ALMS1: variants seen among roughly 807,000 people sequenced by gnomAD.
ALMS1 encodes centrosome-associated protein ALMS1.
Under a neutral mutation model 352.2 loss-of-function variants are expected in ALMS1, and 271 were observed. The ratio of observed to expected loss-of-function variants is 0.77; its 90% CI spans 0.70 to 0.85. ALMS1 has a LOEUF of 0.85. Ranked by LOEUF, ALMS1 falls within the 40% of genes least tolerant of loss-of-function variation. The pLI is 0.00. For missense variants in ALMS1, 5,445 were observed against 4,870.7 expected (o/e 1.12, Z -3.51); for synonymous variants, 1,865 against 1,761.2 (o/e 1.06, Z -1.48).
At chr2:73,465,451 C>T (rs1672313707) in intron 9 of ALMS1, among the ~76,000 whole-genome samples, 1 of 152,194 alleles carries the variant, frequency 6.6e-6, no homozygotes, top group African/African-American at 2.4e-5. Flanking sequence ...AAAGCTGAAA[C>T]TGGATCCCTT....
chr2:73,418,635 C>T (rs1671225965), intron 2 of ALMS1, among the ~76,000 whole-genome samples: 1 of 152,198 alleles, frequency 6.6e-6, no homozygotes, highest in African/African-American at 2.4e-5. Flanking sequence ...CAAATTCCTT[C>T]ATACCCCAGA....
In ALMS1 at chr2:73,609,017, A is replaced by G. The variant is rs1675883520; in HGVS notation, c.12462+443A>G. Among the ~76,000 whole-genome samples, 12 of 152,352 alleles carry G rather than the reference A, an allele frequency of 7.9e-5. No individual in the cohort carries two copies. In the South Asian group the frequency reaches 2.3e-3, roughly 29 times the overall value. On this transcript the variant is annotated intron_variant, in intron 22 of 22. Coordinates refer to ENST00000613296, the MANE Select transcript of ALMS1 (RefSeq NM_001378454.1). ...GGTCAGAGGCCTCCAACTTGTCACC[A>G]TGCCCTGCCCATTGTCCCAGTAGAG...
intron 10 of ALMS1, 34 bp downstream of exon 10, chr2:73,491,532 G>A (rs1364877434): frequency 1.2e-6 from 2 of 1,606,596 alleles, no homozygotes; most frequent in Admixed American, 1.7e-5. Flanking sequence ...CAAGCTGGAT[G>A]GACTTTGTAA....
intron 7 of ALMS1, among the ~76,000 whole-genome samples, chr2:73,440,725 T>A (rs1395307695): frequency 6.6e-6 from 1 of 152,142 alleles, no homozygotes; most frequent in East Asian, 1.9e-4. Flanking sequence ...ACAGCCAGCC[T>A]TGATTGTCTT....
At chr2:73,528,735 T>G (rs1673847758) in intron 11 of ALMS1, among the ~76,000 whole-genome samples, 1 of 152,224 alleles carries the variant, frequency 6.6e-6, no homozygotes, top group Non-Finnish European at 1.5e-5. Context: ...TTATTTTTTA[T>G]TTTAGATTTG....
At chr2:73,523,554 G>C (rs1343898864) in intron 11 of ALMS1, among the ~76,000 whole-genome samples, 1 of 152,140 alleles carries the variant, frequency 6.6e-6, no homozygotes. Context: ...ATCACCTGAG[G>C]TCAGGAGTTT....
At chr2:73,574,183 A>G (rs539012430) in intron 16 of ALMS1, among the ~76,000 whole-genome samples, 1 of 152,194 alleles carries the variant, frequency 6.6e-6, no homozygotes, top group Non-Finnish European at 1.5e-5. Context: ...TTCTTAAAGA[A>G]GGCACCACAG....
At chr2:73,461,056 T>C (rs923281835) in intron 9 of ALMS1, among the ~76,000 whole-genome samples, 1 of 152,198 alleles carries the variant, frequency 6.6e-6, no homozygotes, top group Non-Finnish European at 1.5e-5. Context: ...TCTGTAGACT[T>C]AAATGTCCCT....
intron 16 of ALMS1, among the ~76,000 whole-genome samples, chr2:73,595,768 CG>C (rs1285077017): frequency 6.6e-6 from 1 of 152,142 alleles, no homozygotes; most frequent in African/African-American, 2.4e-5. Flanking sequence ...GTGAGGGTTT[CG>C]GTTTCTCCAC....
intron 1 of ALMS1, among the ~76,000 whole-genome samples, chr2:73,396,406 G>T (rs1670762678): frequency 6.6e-6 from 1 of 151,282 alleles, no homozygotes; most frequent in South Asian, 2.1e-4. Context: ...GTTTTCTTTT[G>T]ATGCTTTTGT....
intron 12 of ALMS1, among the ~76,000 whole-genome samples, chr2:73,546,728 C>T (rs1046432563): frequency 6.6e-6 from 1 of 152,022 alleles, no homozygotes; most frequent in African/African-American, 2.4e-5. Flanking sequence ...TGAGAATGTT[C>T]CGGCGAGAGG....
chr2:73,593,653 A>G (rs1675479922), intron 16 of ALMS1, among the ~76,000 whole-genome samples: 1 of 152,190 alleles, frequency 6.6e-6, no homozygotes, highest in Admixed American at 6.5e-5. Flanking sequence ...TTAGTCACAG[A>G]ATTGTGCAAC....
chr2:73,429,332 A>G (rs1450574922), intron 6 of ALMS1, among the ~76,000 whole-genome samples: 2 of 129,606 alleles, frequency 1.5e-5, no homozygotes, highest in African/African-American at 6.1e-5. Context: ...TCCAGGCTGG[A>G]GTGCAATGGC....
chr2:73,459,767 T>C (rs1163198921), intron 9 of ALMS1, among the ~76,000 whole-genome samples: 1 of 152,192 alleles, frequency 6.6e-6, no homozygotes, highest in Non-Finnish European at 1.5e-5. Flanking sequence ...TATTTTCTTT[T>C]CACCAACCCT....
rs1163782698 is a variant in ALMS1, at chr2:73,491,231, C to G, written c.9272C>G (p.Ser3091Cys). 1.9e-6 allele frequency: 3 copies of G among 1,614,122 alleles called. No homozygotes were observed. In the East Asian group the frequency reaches 6.7e-5, roughly 36 times the overall value. The change falls in exon 10 of 23, where the codon TCT becomes TGT. Residue 3091 changes from serine (S) to cysteine (C), a missense_variant. Transcript: ENST00000613296. ...SEFNFDLHTV[S>C]SRSLEPTSKL... ...TTTAACTTTGACTTACATACTGTAT[C>G]TTCGAGATCACTGGAACCAACCTCC...
chr2:73,423,949 T>A (rs1313971833), intron 4 of ALMS1, among the ~76,000 whole-genome samples: 2 of 152,028 alleles, frequency 1.3e-5, no homozygotes, highest in Non-Finnish European at 1.5e-5. Context: ...AGCCAATTTT[T>A]AATTTTTCTG....
At chr2:73,592,203 A>G (rs34384696) in intron 16 of ALMS1, among the ~76,000 whole-genome samples, 3,098 of 152,336 alleles carry the variant, frequency 0.02, 109 homozygotes, top group African/African-American at 0.071. Context: ...TTTCTGAGGA[A>G]GATTTTCCAT....
chr2:73,473,265 T>C (rs1352701796), intron 9 of ALMS1, among the ~76,000 whole-genome samples: 1 of 152,018 alleles, frequency 6.6e-6, no homozygotes, highest in Non-Finnish European at 1.5e-5. Flanking sequence ...TTTTTTTCTT[T>C]CCTATTACCT....
intron 10 of ALMS1, among the ~76,000 whole-genome samples, chr2:73,514,783 A>G (rs1673523227): frequency 2.0e-5 from 3 of 152,170 alleles, no homozygotes; most frequent in South Asian, 2.1e-4. Context: ...GTTTGGTTTA[A>G]GAAATGTATT....
Sources: allele counts gnomAD v4.1 joint callset (sites outside exome capture counted in the v4.1 genomes callset), GRCh38; gene constraint gnomAD v4.1.1; transcripts MANE v1.5; gene names NCBI Gene and HGNC (gene_info 2026-07-23, HGNC 2026-07-21).